MDGA2: variants seen among roughly 807,000 people sequenced by gnomAD.
The protein encoded by MDGA2 is MAM domain containing glycosylphosphatidylinositol anchor 2.
MDGA2 carries 40 observed loss-of-function variants against 117.8 expected under a neutral mutation model. The observed-to-expected ratio is 0.34, with a 90% CI of 0.26 to 0.44. The LOEUF (loss-of-function observed/expected upper bound fraction) is 0.44, where lower values mean the gene tolerates loss of function less well. MDGA2 is among the 20% of genes least tolerant of loss of function. The pLI is 1.00. For missense variants in MDGA2, 1,123 were observed against 1,250.6 expected, an observed-to-expected ratio of 0.90 and a Z score of 1.54; for synonymous variants, 452 against 439.0, an observed-to-expected ratio of 1.03 and a Z score of -0.37.
intron 9 of MDGA2, among the ~76,000 whole-genome samples, chr14:46,937,031 C>T (rs12879670): frequency 0.16 from 23,767 of 151,744 alleles, 2,463 homozygotes; most frequent in Non-Finnish European, 0.22. Flanking sequence ...TACTTTTATA[C>T]GCAGAAAAAC....
At chr14:47,672,063 C>T (rs1317608192) in intron 1 of MDGA2, among the ~76,000 whole-genome samples, 1 of 152,084 alleles carries the variant, frequency 6.6e-6, no homozygotes, top group African/African-American at 2.4e-5. Context: ...CTCAGAGGGG[C>T]CCAAAAATGT....
rs115977012 is a variant in MDGA2 at position 46,886,392 on chromosome 14, T to C, written c.2239-4171A>G. ...ACAAAATATTGAACTAAAATTAATT[T>C]TGAAGTAGATATGTTATAAAATTTA... On this transcript the variant is annotated intron_variant, in intron 10 of 16. Coordinates refer to ENST00000399232, the MANE Select transcript of MDGA2 (RefSeq NM_001113498.3). 3.8e-3 allele frequency among the ~76,000 whole-genome samples: 580 copies of C among 152,170 alleles called. 5 individuals are homozygous for C. Among genetic ancestry groups the C allele is most frequent in the African/African-American group, 0.013 (551 of 41,536 alleles).
At chr14:47,433,667 C>T (rs908339710) in intron 1 of MDGA2, among the ~76,000 whole-genome samples, 7 of 152,040 alleles carry the variant, frequency 4.6e-5, no homozygotes, top group African/African-American at 7.2e-5. Flanking sequence ...GGGCTGATGC[C>T]GCCATTTACA....
At chr14:47,572,381 G>A (rs1896037247) in intron 1 of MDGA2, among the ~76,000 whole-genome samples, 1 of 152,122 alleles carries the variant, frequency 6.6e-6, no homozygotes, top group Non-Finnish European at 1.5e-5. Flanking sequence ...TGTACATCTT[G>A]CTTAAATCAG....
rs188511841 is a variant in MDGA2, at chr14:47,311,773, T to C, written c.281-10223A>G. On this transcript the variant is annotated intron_variant, in intron 1 of 16. Transcript: ENST00000399232. ...ATTTGAACAAAATTAATATCCCCAG[T>C]GAAGGTTTGTGAATTGCCAAAGCTT... 8.7e-4 allele frequency among the ~76,000 whole-genome samples: 133 copies of C among 152,228 alleles called. 1 individual carries two copies. Among genetic ancestry groups the C allele is most frequent in the Non-Finnish European group, 1.5e-3 (99 of 68,006 alleles).
intron 6 of MDGA2, among the ~76,000 whole-genome samples, chr14:47,070,981 A>C (rs571226240): frequency 1.1e-4 from 16 of 152,220 alleles, no homozygotes; most frequent in Non-Finnish European, 2.2e-4. Context: ...AGTTGAGTTA[A>C]ATCTCTCTCC....
chr14:46,945,481 T>C (rs1184972430), intron 9 of MDGA2, among the ~76,000 whole-genome samples: 3 of 152,166 alleles, frequency 2.0e-5, no homozygotes, highest in South Asian at 2.1e-4. Flanking sequence ...AAAAATCCCA[T>C]AGAGAAGAAA....
At chr14:47,129,705 C>T (rs1298562840) in intron 5 of MDGA2, among the ~76,000 whole-genome samples, 2,023 of 145,846 alleles carry the variant, frequency 0.014, 31 homozygotes, top group African/African-American at 0.05. Flanking sequence ...TACAGTCCCA[C>T]CAACAGTGTA....
At chr14:47,123,308 C>G (rs2209650) in intron 5 of MDGA2, among the ~76,000 whole-genome samples, 1 of 152,014 alleles carries the variant, frequency 6.6e-6, no homozygotes, top group Admixed American at 6.6e-5. Context: ...TGCAAACTTC[C>G]TTTTATGACA....
At chr14:47,634,432 A>C (rs1037575124) in intron 1 of MDGA2, among the ~76,000 whole-genome samples, 1 of 152,138 alleles carries the variant, frequency 6.6e-6, no homozygotes, top group East Asian at 1.9e-4. Context: ...AGCTCACTTA[A>C]TAAATTCTGT....
At chr14:47,378,573 C>A (rs1163174575) in intron 1 of MDGA2, among the ~76,000 whole-genome samples, 1 of 152,004 alleles carries the variant, frequency 6.6e-6, no homozygotes, top group Non-Finnish European at 1.5e-5. Flanking sequence ...GATGCATGCA[C>A]AAGCTTCAGT....
intron 6 of MDGA2, among the ~76,000 whole-genome samples, chr14:47,073,098 G>A (rs191523233): frequency 1.3e-4 from 20 of 152,182 alleles, no homozygotes; most frequent in African/African-American, 4.3e-4. Flanking sequence ...AATGTTGAGG[G>A]CTCAATATTA....
At chr14:47,201,831 T>C (rs938815599) in intron 3 of MDGA2, among the ~76,000 whole-genome samples, 9 of 152,216 alleles carry the variant, frequency 5.9e-5, no homozygotes, top group African/African-American at 1.7e-4. Context: ...CTGCTTTACA[T>C]CATTTATCTT....
At chr14:47,325,105 G>A (rs141504753) in intron 1 of MDGA2, among the ~76,000 whole-genome samples, 152 of 152,324 alleles carry the variant, frequency 1.0e-3, no homozygotes, top group African/African-American at 3.4e-3. Context: ...GAACTAGTGT[G>A]TAATAGAGAA....
At chr14:47,110,403 G>T (rs1452946247) in intron 5 of MDGA2, among the ~76,000 whole-genome samples, 1 of 152,100 alleles carries the variant, frequency 6.6e-6, no homozygotes, top group Non-Finnish European at 1.5e-5. Flanking sequence ...AACAGCAGAA[G>T]AGATAAAGAC....
At chr14:47,263,832 G>C (rs1315777624) in intron 2 of MDGA2, among the ~76,000 whole-genome samples, 1 of 151,954 alleles carries the variant, frequency 6.6e-6, no homozygotes, top group Non-Finnish European at 1.5e-5. Flanking sequence ...TTTACCATTT[G>C]TCATTTACAA....
chr14:47,471,164 G>A (rs1735298702), intron 1 of MDGA2, among the ~76,000 whole-genome samples: 1 of 151,826 alleles, frequency 6.6e-6, no homozygotes, highest in South Asian at 2.1e-4. Flanking sequence ...CCAGGTACGT[G>A]GTAGATGGCT....
intron 1 of MDGA2, among the ~76,000 whole-genome samples, chr14:47,483,727 C>A (rs543549715): frequency 1.2e-4 from 19 of 152,284 alleles, no homozygotes; most frequent in African/African-American, 4.6e-4. Context: ...CACAAGTACT[C>A]CTCTCTACTT....
chr14:47,258,132 G>T (rs1566706718), intron 2 of MDGA2, among the ~76,000 whole-genome samples: 1 of 152,094 alleles, frequency 6.6e-6, no homozygotes, highest in East Asian at 1.9e-4. Flanking sequence ...TTTCCCCACA[G>T]AATTTTATCT....
Sources: gnomAD v4.1 joint callset for allele counts (sites outside exome capture counted in the v4.1 genomes callset) on GRCh38, gnomAD v4.1.1 for gene constraint, MANE v1.5 for transcripts, NCBI Gene and HGNC (gene_info 2026-07-23, HGNC 2026-07-21) for gene names.